The following CNIH3 variants were observed in gnomAD, a reference collection of about 807,000 sequenced individuals.
The protein encoded by CNIH3 is protein cornichon homolog 3.
Under a neutral mutation model 24.1 loss-of-function variants are expected in CNIH3, and 14 were observed. The ratio of observed to expected loss-of-function variants is 0.58; its 90% CI spans 0.38 to 0.91. The LOEUF (loss-of-function observed/expected upper bound fraction) is 0.91, where lower values mean the gene tolerates loss of function less well. Among genes scored for constraint, CNIH3 ranks in the 40% least tolerant of loss-of-function variants. The pLI is 0.00. For synonymous variants in CNIH3, 68 were observed against 73.8 expected, an observed-to-expected ratio of 0.92 and a Z score of 0.40; for missense variants, 178 against 196.8, an observed-to-expected ratio of 0.90 and a Z score of 0.57.
intron 1 of CNIH3, among the ~76,000 whole-genome samples, chr1:224,495,560 T>A (rs758136218): frequency 1.3e-5 from 2 of 152,194 alleles, no homozygotes; most frequent in Non-Finnish European, 2.9e-5. Context: ...TATGAATGAA[T>A]CACTCCATAG....
intron 1 of CNIH3, among the ~76,000 whole-genome samples, chr1:224,463,935 C>T (rs955516745): frequency 2.6e-4 from 40 of 151,520 alleles, no homozygotes; most frequent in Middle Eastern, 6.8e-3. Context: ...GGACTACAGG[C>T]ACATGCCACC....
chr1:224,618,908 C>A (rs1683157256), intron 1 of CNIH3, among the ~76,000 whole-genome samples: 1 of 152,152 alleles, frequency 6.6e-6, no homozygotes, highest in Non-Finnish European at 1.5e-5. Flanking sequence ...AGGAAACTTA[C>A]CTGATTTAGA....
intron 1 of CNIH3, among the ~76,000 whole-genome samples, chr1:224,460,398 C>T (rs938002409): frequency 1.3e-5 from 2 of 152,254 alleles, no homozygotes; most frequent in African/African-American, 4.8e-5. Context: ...AGAAAACCCT[C>T]TCTCTGGCAG....
intron 1 of CNIH3, among the ~76,000 whole-genome samples, chr1:224,488,294 C>A (rs1334338892): frequency 6.6e-6 from 1 of 152,182 alleles, no homozygotes; most frequent in South Asian, 2.1e-4. Context: ...TACGTTAAAT[C>A]TTTTGATAAG....
rs150800064 is a variant in CNIH3 at position 224,567,933 on chromosome 1, C to T, written n.516+1669C>T. ...TAGAGTCTGATCCTGTGGCATTCTTCCACCTAAGAGCAATTATTGGAGTTG... is the reference window on the plus strand; with the variant it reads ...TAGAGTCTGATCCTGTGGCATTCTTTCACCTAAGAGCAATTATTGGAGTTG... On this transcript the variant is annotated intron_variant and non_coding_transcript_variant, in intron 4 of 5. Coordinates refer to the CNIH3 transcript ENST00000471578. Among the ~76,000 whole-genome samples, 318 of 152,260 alleles carry T rather than the reference C, an allele frequency of 2.1e-3. 1 individual carries two copies. Among genetic ancestry groups the T allele is most frequent in the African/African-American group, 7.1e-3 (295 of 41,554 alleles).
intron 1 of CNIH3, among the ~76,000 whole-genome samples, chr1:224,475,362 A>AAAAAG (rs1003851067): frequency 2.7e-5 from 4 of 149,434 alleles, no homozygotes; most frequent in Admixed American, 6.7e-5. Flanking sequence ...TCTCAAAAAA[A>AAAAAG]AAAAGAAAAG....
intron 1 of CNIH3, among the ~76,000 whole-genome samples, chr1:224,517,826 T>G (rs1678457086): frequency 6.6e-6 from 1 of 152,180 alleles, no homozygotes; most frequent in Non-Finnish European, 1.5e-5. Flanking sequence ...CTTTTTTATT[T>G]CTGAGCAAAT....
chr1:224,435,313 G>A, intron 1 of CNIH3: 2 of 723,332 alleles, frequency 2.8e-6, no homozygotes, highest in Non-Finnish European at 3.4e-6. Context: ...GTTTTAGGGT[G>A]GAAAAACTTG....
At chr1:224,706,104 G>A (rs1187610144) in intron 3 of CNIH3, among the ~76,000 whole-genome samples, 3 of 152,068 alleles carry the variant, frequency 2.0e-5, no homozygotes, top group African/African-American at 7.2e-5. Flanking sequence ...ACCAGTGCCC[G>A]CACATTGTAG....
rs554762749 is a variant in CNIH3, at chr1:224,435,220, C to T, written n.203+358C>T. 1.1e-4 allele frequency: 104 copies of T among 986,052 alleles called. No individual in the cohort carries two copies. In the South Asian group the frequency reaches 3.5e-3, roughly 33 times the overall value. The allele number at this position is 986,052 out of a possible 1,614,324, so 61.1% of individuals were successfully genotyped here. ...TGGGGCAGGGGGCTAGGAGCTTCGA[C>T]AGGCAGGAACTTCCAGGCACAGGGC... On this transcript the variant is annotated intron_variant and non_coding_transcript_variant, in intron 1 of 5. Transcript: ENST00000471578.
intron 5 of CNIH3, chr1:224,587,321 C>T (rs1343065058): frequency 6.6e-6 from 1 of 152,260 alleles, no homozygotes; most frequent in South Asian, 2.1e-4. Context: ...CAGCTAGGAC[C>T]CTGCAGTAGG....
chr1:224,682,680 G>A (rs1686457479), intron 2 of CNIH3, among the ~76,000 whole-genome samples: 2 of 152,162 alleles, frequency 1.3e-5, no homozygotes, highest in South Asian at 4.1e-4. Context: ...GGATGTTTTT[G>A]TGTTTGGCAC....
At chr1:224,583,708 T>C (rs1347580507) in intron 5 of CNIH3, among the ~76,000 whole-genome samples, 1 of 152,168 alleles carries the variant, frequency 6.6e-6, no homozygotes, top group Admixed American at 6.5e-5. Context: ...AGGTCTGTTG[T>C]AGAGCCTATG....
At chr1:224,728,571 C>G (rs944750998) in intron 3 of CNIH3, among the ~76,000 whole-genome samples, 20 of 152,188 alleles carry the variant, frequency 1.3e-4, no homozygotes, top group African/African-American at 4.8e-4. Context: ...AAAGAAGGTG[C>G]CCCATAGTTA....
chr1:224,562,825 C>A (rs1680426792), intron 3 of CNIH3, among the ~76,000 whole-genome samples: 1 of 152,162 alleles, frequency 6.6e-6, no homozygotes, highest in Admixed American at 6.5e-5. Flanking sequence ...AGGTCCCCAC[C>A]AGGAGCAGAT....
chr1:224,502,769 T>A (rs1161876763), intron 1 of CNIH3, among the ~76,000 whole-genome samples: 1 of 152,172 alleles, frequency 6.6e-6, no homozygotes, highest in Non-Finnish European at 1.5e-5. Flanking sequence ...ATTTAAACAC[T>A]GGCAAACATA....
chr1:224,531,046 G>T (rs549895637), intron 2 of CNIH3, among the ~76,000 whole-genome samples: 2 of 152,280 alleles, frequency 1.3e-5, no homozygotes, highest in African/African-American at 4.8e-5. Context: ...GGTTCAGGGC[G>T]TAGGGCCTCT....
At chr1:224,457,287 G>T (rs948971060) in intron 1 of CNIH3, among the ~76,000 whole-genome samples, 1 of 151,194 alleles carries the variant, frequency 6.6e-6, no homozygotes, top group African/African-American at 2.4e-5. Context: ...GTGTGTGTGT[G>T]TGTGTGTGTG....
At chr1:224,464,667 G>C (rs1369601307) in intron 1 of CNIH3, among the ~76,000 whole-genome samples, 1 of 152,012 alleles carries the variant, frequency 6.6e-6, no homozygotes, top group Non-Finnish European at 1.5e-5. Flanking sequence ...TCCATATTCT[G>C]TTCCATTTAT....
Sources: allele counts gnomAD v4.1 joint callset (sites outside exome capture counted in the v4.1 genomes callset), GRCh38; gene constraint gnomAD v4.1.1; transcripts MANE v1.5; gene names NCBI Gene and HGNC (gene_info 2026-07-23, HGNC 2026-07-21).